Variants in DNAH7 observed in about 807,000 individuals in gnomAD.
The protein encoded by DNAH7 is axonemal beta dynein heavy chain 7.
DNAH7 carries 397 observed loss-of-function variants against 444.6 expected under a neutral mutation model. The observed-to-expected ratio is 0.89, with a 90% CI of 0.82 to 0.97. The LOEUF (loss-of-function observed/expected upper bound fraction) is 0.97. Ranked by LOEUF, DNAH7 falls within the 50% of genes least tolerant of loss-of-function variation. The pLI, the probability that DNAH7 is intolerant of heterozygous loss-of-function variation, is 0.00. For synonymous variants in DNAH7, 1,636 were observed against 1,624.4 expected (o/e 1.01, Z -0.17); for missense variants, 4,902 against 4,800.8 (o/e 1.02, Z -0.62).
chr2:195,795,113 G>T (rs1003192281), intron 56 of DNAH7, among the ~76,000 whole-genome samples: 1 of 152,200 alleles, frequency 6.6e-6, no homozygotes, highest in African/African-American at 2.4e-5. Flanking sequence ...AGGCATGATG[G>T]CTCACGCCTG....
intron 10 of DNAH7, among the ~76,000 whole-genome samples, chr2:196,006,725 T>A (rs1280687209): frequency 6.6e-6 from 1 of 152,090 alleles, no homozygotes; most frequent in Non-Finnish European, 1.5e-5. Flanking sequence ...GATCAATATA[T>A]AAAATTCAGT....
chr2:195,936,003 C>T (rs1689024360), intron 20 of DNAH7, among the ~76,000 whole-genome samples: 1 of 152,136 alleles, frequency 6.6e-6, no homozygotes, highest in South Asian at 2.1e-4. Context: ...CATTGCAAAC[C>T]ATCATGAGAG....
At chr2:195,883,342 AGAG>A (rs1448572456) in intron 35 of DNAH7, among the ~76,000 whole-genome samples, 3 of 151,858 alleles carry the variant, frequency 2.0e-5, no homozygotes, top group African/African-American at 7.3e-5. Context: ...AGCTACTCGG[AGAG>A]GCTGAGGCAG....
chr2:195,819,362 G>A lies in DNAH7; in HGVS notation c.9292-1533C>T, dbSNP rs1462285. Among the ~76,000 whole-genome samples the A allele has an allele frequency of 0.019, 2,882 of 152,142 alleles. 226 individuals carry two copies. In the East Asian group the frequency reaches 0.26, roughly 14 times the overall value. On this transcript the variant is annotated intron_variant, in intron 49 of 64. Coordinates refer to ENST00000312428, the MANE Select transcript of DNAH7 (RefSeq NM_018897.3). ...GGGGTCGTCTCTTATTTGACTTCAT[G>A]GTTGTATTGTTCAGCACAAAGTCAT...
At chr2:195,978,172 T>TA (rs56385741) in intron 15 of DNAH7, among the ~76,000 whole-genome samples, 14,143 of 152,002 alleles carry the variant, frequency 0.093, 738 homozygotes, top group African/African-American at 0.14. Flanking sequence ...GATGAACTGG[T>TA]AAAAAATAAC....
In DNAH7 at chr2:195,834,247, T is replaced by C. The variant is rs754637824; in HGVS notation, c.9059A>G (p.Tyr3020Cys). ...GATGCAATTTTCCAGAGTCCTGACA[T>C]AGTCAGGTTCACTAAGTTTAATCAC... ...LYVIKLSEPD[Y>C]VRTLENCIQF... is the part of the protein sequence containing the mutation. The change falls in exon 48 of 65, where the codon TAT (tyrosine) becomes TGT (cysteine). Residue 3020 changes from tyrosine (Y) to cysteine (C), a missense_variant. By Grantham distance (194) the Tyr-to-Cys change is radical. Coordinates refer to ENST00000312428, the MANE Select transcript of DNAH7 (RefSeq NM_018897.3). The C allele has an allele frequency of 1.9e-6, 3 of 1,608,426 alleles. No homozygotes were observed. The highest frequency in any genetic ancestry group is 2.2e-5 in the East Asian group (1 of 44,706).
chr2:195,763,668 T>A (rs923882269), intron 61 of DNAH7, among the ~76,000 whole-genome samples: 1 of 151,990 alleles, frequency 6.6e-6, no homozygotes, highest in Non-Finnish European at 1.5e-5. Context: ...CCTACCGGGA[T>A]TGGACCATGA....
chr2:195,948,128 T>G (rs576517072), intron 19 of DNAH7, among the ~76,000 whole-genome samples: 1 of 152,308 alleles, frequency 6.6e-6, no homozygotes, highest in Admixed American at 6.5e-5. Flanking sequence ...CTTGCCCACT[T>G]TCTGATGGGG....
chr2:195,925,447 G>C (rs1164266210), intron 22 of DNAH7, among the ~76,000 whole-genome samples: 1 of 152,178 alleles, frequency 6.6e-6, no homozygotes, highest in Non-Finnish European at 1.5e-5. Flanking sequence ...AAACACCCAA[G>C]GGCCCAAAAG....
intron 58 of DNAH7, among the ~76,000 whole-genome samples, chr2:195,780,005 G>C (rs1335097801): frequency 1.3e-5 from 2 of 151,998 alleles, no homozygotes; most frequent in Non-Finnish European, 2.9e-5. Context: ...GTTTTAAAAA[G>C]TATTTTATTA....
At chr2:195,799,270 C>G in intron 55 of DNAH7, 26 bp downstream of exon 55, 1 of 1,449,758 alleles carries the variant, frequency 6.9e-7, no homozygotes, top group Non-Finnish European at 9.2e-7. Flanking sequence ...AAATAATATC[C>G]GATAACTTCA....
At chr2:195,990,946 CATATATATACTTAA>C (rs1052509921) in intron 12 of DNAH7, among the ~76,000 whole-genome samples, 16 of 141,928 alleles carry the variant, frequency 1.1e-4, no homozygotes, top group African/African-American at 3.9e-4. Flanking sequence ...AATATATATA[CATATATATACTTAA>C]ATATATATAC....
chr2:195,907,645 C>T (rs1179027490), intron 25 of DNAH7, among the ~76,000 whole-genome samples: 3 of 152,066 alleles, frequency 2.0e-5, no homozygotes, highest in Non-Finnish European at 4.4e-5. Context: ...TATGTTATAT[C>T]GAGTACACTG....
At chr2:195,902,304 G>T (rs1362569057) in intron 27 of DNAH7, 1 of 151,822 alleles carries the variant, frequency 6.6e-6, no homozygotes, top group African/African-American at 2.4e-5. Flanking sequence ...AGAATGGAAA[G>T]AATAAAATGT....
intron 42 of DNAH7, among the ~76,000 whole-genome samples, chr2:195,861,137 C>T (rs1699992256): frequency 6.6e-6 from 1 of 152,106 alleles, no homozygotes; most frequent in South Asian, 2.1e-4. Context: ...TTCCAAACTT[C>T]CTACTTTCTA....
At chr2:196,001,089 C>G (rs1467096057) in intron 11 of DNAH7, among the ~76,000 whole-genome samples, 5 of 152,018 alleles carry the variant, frequency 3.3e-5, no homozygotes, top group Non-Finnish European at 7.4e-5. Context: ...GACTACAGGT[C>G]AACTACAGGG....
At position 195,794,446 on chromosome 2, in the gene DNAH7, T is replaced by G. The variant is rs781019633; in HGVS notation, c.10608A>C (p.Gly3536=). The change falls in exon 57 of 65, where the codon GGA becomes GGC. Residue 3536 remains glycine (G), a synonymous_variant. Transcript: ENST00000312428. ...PNFPVSVLQN[G]VKMTNEAPKG... is the part of the protein sequence containing the mutation. ...TTGGTGCTTCATTGGTCATTTTCAC[T>G]CCATTCTGCAGTACTGACACAGGGA... is the stretch of plus-strand genomic sequence containing the variant. The G allele has an allele frequency of 6.8e-6, 11 of 1,614,148 alleles. No homozygotes were observed. The highest frequency in any genetic ancestry group is 9.3e-6 in the Non-Finnish European group (11 of 1,180,008).
At chr2:195,759,559 G>C (rs1277274367) in intron 61 of DNAH7, among the ~76,000 whole-genome samples, 1 of 152,068 alleles carries the variant, frequency 6.6e-6, no homozygotes. Context: ...GTACCAGCTT[G>C]ACTGCTACAG....
At chr2:195,794,281 A>G in intron 57 of DNAH7, 57 bp downstream of exon 57, 1 of 1,546,270 alleles carries the variant, frequency 6.5e-7, no homozygotes, top group South Asian at 1.1e-5. Flanking sequence ...CATGATCACC[A>G]GGGGCCACTT....
Sources: gnomAD v4.1 joint callset for allele counts (sites outside exome capture counted in the v4.1 genomes callset) on GRCh38, gnomAD v4.1.1 for gene constraint, MANE v1.5 for transcripts, NCBI Gene and HGNC (gene_info 2026-07-23, HGNC 2026-07-21) for gene names.